The following XKR9 variants were observed in gnomAD, a reference collection of about 807,000 sequenced individuals.
XKR9 encodes XK-related protein 9.
XKR9 carries 32 observed loss-of-function variants against 32.0 expected under a neutral mutation model. That is an observed-to-expected ratio of 1.00 (90% CI 0.76 to 1.34). XKR9 has a LOEUF of 1.34. Ranked by LOEUF, XKR9 falls within the 40% of genes most tolerant of loss-of-function variation. XKR9 has a pLI of 0.00. For synonymous variants in XKR9, 168 were observed against 143.4 expected, an observed-to-expected ratio of 1.17 and a Z score of -1.22; for missense variants, 546 against 429.7, an observed-to-expected ratio of 1.27 and a Z score of -2.39.
chr8:70,786,550 G>A (rs936449117), intron 2 of XKR9, among the ~76,000 whole-genome samples: 33 of 152,034 alleles, frequency 2.2e-4, no homozygotes, highest in African/African-American at 7.7e-4. Context: ...TCTTTTTACA[G>A]TTTTTGACAA....
At chr8:70,990,168 G>T in the XKR9 span, among the ~76,000 whole-genome samples, 5 of 152,180 alleles carry the variant, frequency 3.3e-5, no homozygotes, top group African/African-American at 1.2e-4. Flanking sequence ...CTCTCATGAA[G>T]TTATTTGGAT....
chr8:70,972,632 T>C, the XKR9 span, among the ~76,000 whole-genome samples: 1 of 152,176 alleles, frequency 6.6e-6, no homozygotes, highest in African/African-American at 2.4e-5. Flanking sequence ...CCTCAAGTTA[T>C]GTCCCTTCTA....
chr8:70,966,244 T>G, the XKR9 span, among the ~76,000 whole-genome samples: 1 of 151,944 alleles, frequency 6.6e-6, no homozygotes, highest in Non-Finnish European at 1.5e-5. Context: ...TTTCTTTCTT[T>G]CCTTTTTTCT....
the XKR9 span, among the ~76,000 whole-genome samples, chr8:70,844,704 G>GC: frequency 6.6e-6 from 1 of 152,192 alleles, no homozygotes; most frequent in Non-Finnish European, 1.5e-5. Flanking sequence ...ACTTCTCCCA[G>GC]TGGACTGAGC....
the XKR9 span, among the ~76,000 whole-genome samples, chr8:70,917,475 CT>C: frequency 1.5e-3 from 229 of 148,778 alleles, no homozygotes; most frequent in Non-Finnish European, 2.4e-3. Flanking sequence ...TCAATTTATA[CT>C]TTTTTTTTTG....
chr8:70,695,412 G>A (rs977351720), intron 3 of XKR9, among the ~76,000 whole-genome samples: 6 of 143,558 alleles, frequency 4.2e-5, no homozygotes, highest in Non-Finnish European at 6.0e-5. Context: ...CCACCTATGA[G>A]TGAGAACATG....
chr8:70,944,755 G>A, the XKR9 span, among the ~76,000 whole-genome samples: 6 of 152,314 alleles, frequency 3.9e-5, no homozygotes, highest in East Asian at 9.6e-4. Flanking sequence ...GATTAGCAAA[G>A]CAGTTTAATG....
the XKR9 span, among the ~76,000 whole-genome samples, chr8:71,029,134 T>C: frequency 1.3e-5 from 2 of 152,174 alleles, no homozygotes; most frequent in Admixed American, 6.5e-5. Context: ...AGGAGCTACC[T>C]TGAGATGTGG....
the XKR9 span, among the ~76,000 whole-genome samples, chr8:70,819,732 C>T: frequency 6.6e-6 from 1 of 152,130 alleles, no homozygotes; most frequent in Non-Finnish European, 1.5e-5. Context: ...CTGTCCTTGC[C>T]AAGGGTTTTC....
the XKR9 span, among the ~76,000 whole-genome samples, chr8:70,953,931 C>T: frequency 6.6e-6 from 1 of 152,042 alleles, no homozygotes; most frequent in South Asian, 2.1e-4. Context: ...GGAAAGGAAG[C>T]CAGGGAAAGA....
intron 3 of XKR9, among the ~76,000 whole-genome samples, chr8:70,687,103 AC>A (rs1234349411): frequency 1.3e-5 from 2 of 152,140 alleles, no homozygotes; most frequent in Admixed American, 1.3e-4. Flanking sequence ...CTTCTGCCTT[AC>A]TCCCTGCTAC....
At chr8:70,893,748 A>C in the XKR9 span, among the ~76,000 whole-genome samples, 1 of 152,168 alleles carries the variant, frequency 6.6e-6, no homozygotes, top group Non-Finnish European at 1.5e-5. Flanking sequence ...TTTCCCAACA[A>C]TGATGAGACT....
chr8:70,764,284 G>A (rs542230152), intron 2 of XKR9, among the ~76,000 whole-genome samples: 2 of 152,302 alleles, frequency 1.3e-5, no homozygotes, highest in Non-Finnish European at 2.9e-5. Flanking sequence ...GTCTTGCACA[G>A]CAGTTTTGCA....
intron 3 of XKR9, among the ~76,000 whole-genome samples, chr8:70,698,937 T>G (rs926779883): frequency 1.3e-5 from 2 of 152,206 alleles, no homozygotes; most frequent in African/African-American, 2.4e-5. Flanking sequence ...TACCATTAAG[T>G]AATGGCCTTC....
the XKR9 span, among the ~76,000 whole-genome samples, chr8:70,913,501 T>C: frequency 6.6e-6 from 1 of 152,108 alleles, no homozygotes; most frequent in Non-Finnish European, 1.5e-5. Context: ...AAACATGGCA[T>C]AGAATTTATC....
the XKR9 span, among the ~76,000 whole-genome samples, chr8:70,803,752 G>A: frequency 6.6e-6 from 1 of 152,176 alleles, no homozygotes; most frequent in Non-Finnish European, 1.5e-5. Flanking sequence ...CTTTTGTTGG[G>A]TGTTCTGGAA....
the XKR9 span, among the ~76,000 whole-genome samples, chr8:71,005,204 G>C: frequency 7.0e-6 from 1 of 141,876 alleles, no homozygotes; most frequent in South Asian, 2.2e-4. Flanking sequence ...CTGGGGCTCA[G>C]TTTTTTTTTC....
the XKR9 span, among the ~76,000 whole-genome samples, chr8:70,821,209 A>C: frequency 6.6e-6 from 1 of 152,260 alleles, no homozygotes; most frequent in African/African-American, 2.4e-5. Flanking sequence ...CCAATAGGGC[A>C]GTCCAATCTT....
chr8:70,747,251 A>G (rs1397889644), intron 2 of XKR9, among the ~76,000 whole-genome samples: 1 of 152,094 alleles, frequency 6.6e-6, no homozygotes, highest in East Asian at 1.9e-4. Flanking sequence ...AGAATGGTTT[A>G]TTTTCCTTTG....
Sources: gnomAD v4.1 joint callset for allele counts (sites outside exome capture counted in the v4.1 genomes callset) on GRCh38, gnomAD v4.1.1 for gene constraint, MANE v1.5 for transcripts, NCBI Gene and HGNC (gene_info 2026-07-23, HGNC 2026-07-21) for gene names.